The following LRRC37A2 variants were observed in gnomAD, a reference collection of about 807,000 sequenced individuals.
LRRC37A2 encodes leucine-rich repeat-containing protein 37A2.
LRRC37A2 carries 9 observed loss-of-function variants against 68.8 expected under a neutral mutation model. The ratio of observed to expected loss-of-function variants is 0.13; its 90% CI spans 0.08 to 0.23. The LOEUF (loss-of-function observed/expected upper bound fraction) is 0.23. Among genes scored for constraint, LRRC37A2 ranks in the 10% least tolerant of loss-of-function variants. The pLI is 1.00. For missense variants in LRRC37A2, 168 were observed against 950.4 expected, an observed-to-expected ratio of 0.18 and a Z score of 10.82; for synonymous variants, 63 against 367.6, an observed-to-expected ratio of 0.17 and a Z score of 9.48.
At chr17:47,034,182 T>G in the LRRC37A2 span, among the ~76,000 whole-genome samples, 11,628 of 152,196 alleles carry the variant, frequency 0.076, 528 homozygotes, top group Middle Eastern at 0.13. Context: ...ACAAAAAGAC[T>G]TTTAAAAAGT....
chr17:46,779,105 C>CACACACACACACACACACA, the LRRC37A2 span, among the ~76,000 whole-genome samples: 2 of 35,398 alleles, frequency 5.7e-5, no homozygotes, highest in Non-Finnish European at 1.3e-4. Context: ...ACACACACAC[C>CACACACACACACACACACA]CCAGCCCACT....
the LRRC37A2 span, chr17:46,751,652 A>G: frequency 2.9e-6 from 4 of 1,375,652 alleles, no homozygotes; most frequent in African/African-American, 5.7e-5. Context: ...CTCAGACAGA[A>G]CAAAGCTTCA....
chr17:46,897,397 C>T, the LRRC37A2 span, among the ~76,000 whole-genome samples: 2 of 152,200 alleles, frequency 1.3e-5, no homozygotes, highest in Admixed American at 6.5e-5. Context: ...TCACCTTCCC[C>T]TGGGGTTGTT....
chr17:46,971,694 C>T, the LRRC37A2 span, among the ~76,000 whole-genome samples: 1 of 152,334 alleles, frequency 6.6e-6, no homozygotes. Context: ...AAGCGACTTT[C>T]TCTGATGACT....
the LRRC37A2 span, chr17:46,851,866 C>T: frequency 2.6e-6 from 1 of 387,910 alleles, no homozygotes; most frequent in Non-Finnish European, 4.5e-6. The surrounding 1 kb of genome is among the most constrained non-coding windows in gnomAD (Gnocchi z 4.3). Flanking sequence ...ACCCACTTCG[C>T]AGTCGGAGTT....
the LRRC37A2 span, among the ~76,000 whole-genome samples, chr17:46,884,420 GA>G: frequency 6.6e-6 from 1 of 152,212 alleles, no homozygotes; most frequent in Non-Finnish European, 1.5e-5. Flanking sequence ...TAAGGGGCGT[GA>G]GGGGGCACAC....
chr17:46,834,790 G>C, the LRRC37A2 span, among the ~76,000 whole-genome samples: 2 of 152,208 alleles, frequency 1.3e-5, no homozygotes, highest in East Asian at 1.9e-4. Flanking sequence ...AGCTCCTCAA[G>C]GGCTTCCCCC....
chr17:46,795,002 C>T, the LRRC37A2 span, among the ~76,000 whole-genome samples: 22 of 152,140 alleles, frequency 1.4e-4, no homozygotes, highest in Admixed American at 1.1e-3. Context: ...CTGCCCGCCT[C>T]GGCCTCCCAA....
chr17:46,834,529 C>T, the LRRC37A2 span, among the ~76,000 whole-genome samples: 2 of 152,170 alleles, frequency 1.3e-5, no homozygotes, highest in Non-Finnish European at 2.9e-5. Context: ...AAGCTCCTCT[C>T]GCTGGCTTGC....
At chr17:46,671,889 A>G in the LRRC37A2 span, among the ~76,000 whole-genome samples, 1 of 141,758 alleles carries the variant, frequency 7.1e-6, no homozygotes, top group Admixed American at 7.2e-5. Context: ...TTGCAAATGT[A>G]TTTTTTTTTT....
the LRRC37A2 span, among the ~76,000 whole-genome samples, chr17:46,384,938 A>G: frequency 6.4e-5 from 2 of 31,314 alleles, no homozygotes; most frequent in East Asian, 1.2e-3. Flanking sequence ...GTAAGAAGTC[A>G]TTTTTGAAAT....
At chr17:46,987,001 T>C in the LRRC37A2 span, among the ~76,000 whole-genome samples, 1 of 152,022 alleles carries the variant, frequency 6.6e-6, no homozygotes, top group Non-Finnish European at 1.5e-5. Flanking sequence ...ATCCCAGCAC[T>C]TTGGGAGGCC....
At chr17:46,558,821 G>A (rs1329541527), downstream of LRRC37A2, 1 of 123,536 alleles carries the variant, frequency 8.1e-6, no homozygotes, top group African/African-American at 3.1e-5. Flanking sequence ...CCCAGAAAAA[G>A]GGACCTCTTT....
the LRRC37A2 span, chr17:46,711,032 G>A: frequency 6.3e-7 from 1 of 1,591,964 alleles, no homozygotes; most frequent in Non-Finnish European, 8.5e-7. Flanking sequence ...GGGTGACCCA[G>A]TTACTCGAGT....
At chr17:46,997,786 A>C in the LRRC37A2 span, among the ~76,000 whole-genome samples, 1 of 152,186 alleles carries the variant, frequency 6.6e-6, no homozygotes, top group Non-Finnish European at 1.5e-5. Flanking sequence ...CCTGGCCCAG[A>C]TGGTGAAACC....
chr17:46,982,780 C>T, the LRRC37A2 span, among the ~76,000 whole-genome samples: 2 of 152,262 alleles, frequency 1.3e-5, no homozygotes, highest in South Asian at 2.1e-4. Flanking sequence ...ACAAAGACCA[C>T]TCAAATGAGA....
At chr17:46,850,970 A>G in the LRRC37A2 span, among the ~76,000 whole-genome samples, 13 of 152,164 alleles carry the variant, frequency 8.5e-5, no homozygotes, top group African/African-American at 2.9e-4. Flanking sequence ...TCTCCCGTTT[A>G]AAAACAGAGC....
the LRRC37A2 span, among the ~76,000 whole-genome samples, chr17:46,737,633 G>A: frequency 6.6e-6 from 1 of 151,802 alleles, no homozygotes; most frequent in Non-Finnish European, 1.5e-5. Context: ...GCTAACTGGT[G>A]TCCCTGTCAC....
chr17:46,757,918 T>A, the LRRC37A2 span, among the ~76,000 whole-genome samples: 1 of 151,538 alleles, frequency 6.6e-6, no homozygotes, highest in Non-Finnish European at 1.5e-5. Context: ...TGCTTGAACC[T>A]GGGAGGCAGA....
Sources: allele counts gnomAD v4.1 joint callset (sites outside exome capture counted in the v4.1 genomes callset), GRCh38; gene constraint gnomAD v4.1.1; non-coding constraint Gnocchi (gnomAD v3.1); transcripts MANE v1.5; gene names NCBI Gene and HGNC (gene_info 2026-07-23, HGNC 2026-07-21).